SLC14A2: variants seen among roughly 807,000 people sequenced by gnomAD.
The protein encoded by SLC14A2 is urea transporter 2.
SLC14A2 carries 91 observed loss-of-function variants against 104.6 expected under a neutral mutation model. The observed-to-expected ratio is 0.87, with a 90% confidence interval of 0.73 to 1.04. The LOEUF (loss-of-function observed/expected upper bound fraction) is 1.04, where lower values mean the gene tolerates loss of function less well. Ranked by LOEUF, SLC14A2 falls within the 50% of genes least tolerant of loss-of-function variation. SLC14A2 has a pLI of 0.00. For missense variants in SLC14A2, 1,189 were observed against 1,156.0 expected, an observed-to-expected ratio of 1.03 and a Z score of -0.41; for synonymous variants, 476 against 466.4, an observed-to-expected ratio of 1.02 and a Z score of -0.27.
chr18:45,408,515 T>C (rs2086180848), intron 1 of SLC14A2, among the ~76,000 whole-genome samples: 1 of 152,158 alleles, frequency 6.6e-6, no homozygotes. Flanking sequence ...ATTTTGCACA[T>C]GTACATAGCA....
the SLC14A2 span, among the ~76,000 whole-genome samples, chr18:45,181,764 CATAAG>C: frequency 3.2e-4 from 48 of 151,996 alleles, no homozygotes; most frequent in Middle Eastern, 3.4e-3. Flanking sequence ...ATTTGAAACT[CATAAG>C]AAATATAAAA....
At chr18:45,215,057 G>C (rs922990195) in intron 1 of SLC14A2, among the ~76,000 whole-genome samples, 2 of 152,148 alleles carry the variant, frequency 1.3e-5, no homozygotes, top group Non-Finnish European at 2.9e-5. Context: ...GTCAGGGAAG[G>C]CTGTAGGAAT....
intron 1 of SLC14A2, among the ~76,000 whole-genome samples, chr18:45,480,131 T>C (rs578013352): frequency 2.0e-5 from 3 of 152,312 alleles, no homozygotes; most frequent in African/African-American, 4.8e-5. Context: ...TCTCAGACTA[T>C]TCTTATGCCT....
At chr18:45,628,000 CAAAAAAAA>C (rs58009345) in intron 4 of SLC14A2, among the ~76,000 whole-genome samples, 3 of 83,644 alleles carry the variant, frequency 3.6e-5, no homozygotes, top group Non-Finnish European at 5.0e-5. Context: ...AAGACTTTCT[CAAAAAAAA>C]AAAAAAAAAA....
chr18:45,575,823 G>A (rs972656261), intron 2 of SLC14A2, among the ~76,000 whole-genome samples: 1 of 106,040 alleles, frequency 9.4e-6, no homozygotes, highest in East Asian at 2.6e-4. Context: ...TTTTTTTCTT[G>A]TTGGCCATGC....
chr18:45,512,223 G>C (rs950479653), intron 2 of SLC14A2, among the ~76,000 whole-genome samples: 1 of 152,148 alleles, frequency 6.6e-6, no homozygotes, highest in African/African-American at 2.4e-5. Context: ...ATGAATTCCA[G>C]TCCCCATCAG....
intron 1 of SLC14A2, among the ~76,000 whole-genome samples, chr18:45,395,984 A>T (rs1309901618): frequency 6.6e-6 from 1 of 152,198 alleles, no homozygotes; most frequent in Non-Finnish European, 1.5e-5. Flanking sequence ...TTGCCTGAAC[A>T]CTATACTACT....
At chr18:45,264,818 A>C (rs2084575640) in intron 1 of SLC14A2, among the ~76,000 whole-genome samples, 1 of 152,206 alleles carries the variant, frequency 6.6e-6, no homozygotes, top group Admixed American at 6.5e-5. Context: ...GATTTGGATG[A>C]GTACACAGCC....
At chr18:45,565,916 C>T (rs1486269326) in intron 2 of SLC14A2, among the ~76,000 whole-genome samples, 1 of 152,220 alleles carries the variant, frequency 6.6e-6, no homozygotes, top group Non-Finnish European at 1.5e-5. Flanking sequence ...ACGCTGACAC[C>T]TCAGCTCCAG....
intron 1 of SLC14A2, among the ~76,000 whole-genome samples, chr18:45,419,244 A>C (rs2086312323): frequency 6.6e-6 from 1 of 152,218 alleles, no homozygotes; most frequent in Non-Finnish European, 1.5e-5. Context: ...TGTGCCGGGA[A>C]CCCAGGGTTC....
the SLC14A2 span, among the ~76,000 whole-genome samples, chr18:45,205,514 G>T: frequency 6.6e-6 from 1 of 152,238 alleles, no homozygotes; most frequent in South Asian, 2.1e-4. Flanking sequence ...GACCATTGGG[G>T]GTTAAACACA....
intron 1 of SLC14A2, chr18:45,423,750 C>A: frequency 6.6e-6 from 1 of 152,070 alleles, no homozygotes; most frequent in East Asian, 1.9e-4. Flanking sequence ...CTAATAGGAA[C>A]AAAAACCCAC....
At chr18:45,271,329 G>T (rs941267705) in intron 1 of SLC14A2, among the ~76,000 whole-genome samples, 2 of 152,078 alleles carry the variant, frequency 1.3e-5, no homozygotes, top group Non-Finnish European at 2.9e-5. Context: ...CTTTTCCCTT[G>T]GGAGGTGATT....
At chr18:45,458,151 G>A (rs1200523493) in intron 1 of SLC14A2, among the ~76,000 whole-genome samples, 2 of 152,248 alleles carry the variant, frequency 1.3e-5, no homozygotes, top group African/African-American at 4.8e-5. Flanking sequence ...CCCAAGGGAA[G>A]CACTGCTGCC....
chr18:45,192,052 A>G, the SLC14A2 span, among the ~76,000 whole-genome samples: 107 of 152,232 alleles, frequency 7.0e-4, 1 homozygote, highest in African/African-American at 2.4e-3. Context: ...TCCATATGCT[A>G]TGGCTTTTTA....
chr18:45,531,257 TCC>T (rs2043680901), intron 2 of SLC14A2, among the ~76,000 whole-genome samples: 1 of 152,170 alleles, frequency 6.6e-6, no homozygotes, highest in Admixed American at 6.5e-5. Flanking sequence ...TAGTTCTAGA[TCC>T]CTGAGGAATC....
chr18:45,298,279 G>A (rs2084935926), intron 1 of SLC14A2, among the ~76,000 whole-genome samples: 1 of 152,184 alleles, frequency 6.6e-6, no homozygotes, highest in African/African-American at 2.4e-5. Flanking sequence ...AAAAGCCAGT[G>A]ATCCAGGAAC....
At chr18:45,252,762 T>G (rs902948422) in intron 1 of SLC14A2, among the ~76,000 whole-genome samples, 1 of 151,492 alleles carries the variant, frequency 6.6e-6, no homozygotes, top group Admixed American at 6.6e-5. Flanking sequence ...CTAATTTTAC[T>G]TTGGTGCAAC....
intron 1 of SLC14A2, among the ~76,000 whole-genome samples, chr18:45,419,646 C>T (rs755658534): frequency 6.6e-6 from 1 of 151,954 alleles, no homozygotes; most frequent in Non-Finnish European, 1.5e-5. Flanking sequence ...TGGTGGCGCA[C>T]GCCTGTAATC....
Sources: gnomAD v4.1 joint callset for allele counts (sites outside exome capture counted in the v4.1 genomes callset) on GRCh38, gnomAD v4.1.1 for gene constraint, MANE v1.5 for transcripts, NCBI Gene and HGNC (gene_info 2026-07-23, HGNC 2026-07-21) for gene names.